Variants in SPATA13 observed in about 807,000 individuals in gnomAD.
The protein encoded by SPATA13 is spermatogenesis-associated protein 13.
SPATA13 carries 50 observed loss-of-function variants against 104.0 expected under a neutral mutation model. That is an observed-to-expected ratio of 0.48 (90% CI 0.38 to 0.61). The LOEUF (loss-of-function observed/expected upper bound fraction) is 0.61, where lower values mean the gene tolerates loss of function less well. Among genes scored for constraint, SPATA13 ranks in the 20% least tolerant of loss-of-function variants. The pLI, the probability that SPATA13 is intolerant of heterozygous loss-of-function variation, is 0.00. For synonymous variants in SPATA13, 606 were observed against 667.5 expected (o/e 0.91, Z 1.42); for missense variants, 1,524 against 1,690.6 (o/e 0.90, Z 1.73).
intron 3 of SPATA13, among the ~76,000 whole-genome samples, chr13:24,087,821 C>G (rs1350208740): frequency 6.6e-6 from 1 of 152,182 alleles, no homozygotes; most frequent in African/African-American, 2.4e-5. Flanking sequence ...CTCCCCAGAG[C>G]TGCTGGACAC....
chr13:24,014,401 C>T (rs912212299), intron 2 of SPATA13, among the ~76,000 whole-genome samples: 1 of 152,152 alleles, frequency 6.6e-6, no homozygotes, highest in Non-Finnish European at 1.5e-5. Context: ...CTGCATGTAA[C>T]CTTTGACTCC....
intron 7 of SPATA13, among the ~76,000 whole-genome samples, chr13:24,287,793 G>T (rs769019298): frequency 3.3e-5 from 5 of 152,218 alleles, no homozygotes; most frequent in African/African-American, 4.8e-5. Context: ...GCACCTGAAA[G>T]GTTTTGTCTT....
At chr13:23,994,110 A>G (rs1875561148) in intron 2 of SPATA13, among the ~76,000 whole-genome samples, 2 of 151,918 alleles carry the variant, frequency 1.3e-5, no homozygotes, top group South Asian at 2.1e-4. Flanking sequence ...TCATTCTTAC[A>G]GTTTTGGGGT....
chr13:24,057,086 T>G (rs1171346139), intron 3 of SPATA13, among the ~76,000 whole-genome samples: 1 of 151,284 alleles, frequency 6.6e-6, no homozygotes, highest in Non-Finnish European at 1.5e-5. Flanking sequence ...TTAAAAAATT[T>G]TATTATTATT....
intron 3 of SPATA13, among the ~76,000 whole-genome samples, chr13:24,099,291 CA>C (rs2137799979): frequency 6.6e-6 from 1 of 152,076 alleles, no homozygotes; most frequent in East Asian, 1.9e-4. Context: ...AATAAATGGA[CA>C]AAAAAGATGG....
At chr13:24,158,873 G>A (rs375187255), upstream of SPATA13, among the ~76,000 whole-genome samples, 25 of 152,264 alleles carry the variant, frequency 1.6e-4, no homozygotes, top group East Asian at 4.2e-3. Context: ...AGGATGCGGG[G>A]GTCTTCAGGT....
chr13:24,188,271 GCAGTGAGTCGAGAT>G (rs1319145087), intron 1 of SPATA13, among the ~76,000 whole-genome samples: 1 of 151,958 alleles, frequency 6.6e-6, no homozygotes, highest in Non-Finnish European at 1.5e-5. Flanking sequence ...AACCTGGGAG[GCAGTGAGTCGAGAT>G]CATGTCACTG....
chr13:24,133,104 C>A (rs565910601), intron 3 of SPATA13, among the ~76,000 whole-genome samples: 27 of 152,292 alleles, frequency 1.8e-4, no homozygotes, highest in Non-Finnish European at 3.4e-4. Context: ...GTATTTCCAG[C>A]GGGCAGGTGG....
At chr13:24,108,397 G>A (rs1013554253) in intron 3 of SPATA13, among the ~76,000 whole-genome samples, 1 of 152,176 alleles carries the variant, frequency 6.6e-6, no homozygotes, top group Non-Finnish European at 1.5e-5. Context: ...AGTGGGACGT[G>A]TGCCTGTTTA....
chr13:24,202,900 G>C (rs1401174601), intron 1 of SPATA13, among the ~76,000 whole-genome samples: 1 of 151,988 alleles, frequency 6.6e-6, no homozygotes, highest in African/African-American at 2.4e-5. Context: ...TGGAGAAGTC[G>C]ACAAGCAAAC....
intron 4 of SPATA13, among the ~76,000 whole-genome samples, chr13:24,283,020 C>T (rs1875661607): frequency 6.6e-6 from 1 of 152,206 alleles, no homozygotes; most frequent in South Asian, 2.1e-4. Flanking sequence ...TGAGACCCTT[C>T]TGTGTGCCCC....
chr13:24,178,897 C>G (rs759560095), intron 1 of SPATA13, among the ~76,000 whole-genome samples: 1 of 152,220 alleles, frequency 6.6e-6, no homozygotes, highest in African/African-American at 2.4e-5. Context: ...TTTTCATCCC[C>G]TCCGAAAGGA....
chr13:24,099,934 C>G (rs1880202327), intron 3 of SPATA13, among the ~76,000 whole-genome samples: 1 of 152,192 alleles, frequency 6.6e-6, no homozygotes, highest in South Asian at 2.1e-4. Flanking sequence ...CGCCATTTCT[C>G]TAAAAGCAGG....
Position 24,205,044 on chromosome 13 carries a change from C to T in SPATA13, c.-111-17775C>T, listed in dbSNP as rs1488903314. On this transcript the variant is annotated intron_variant, in intron 1 of 12. Coordinates refer to ENST00000382108, the MANE Select transcript of SPATA13 (RefSeq NM_001166271.3). The surrounding 1 kb of genome is among the most constrained non-coding windows in gnomAD (Gnocchi z 4.1). ...AAAACCGACACAAGACAAGAATGGC[C>T]TCTCTCTCACCATTCCTATTCAACA... Among the ~76,000 whole-genome samples, 1 of 152,168 alleles carries T rather than the reference C, an allele frequency of 6.6e-6. No individual in the cohort carries two copies. Among genetic ancestry groups the T allele is most frequent in the East Asian group, 1.9e-4 (1 of 5,194 alleles).
intron 1 of SPATA13, among the ~76,000 whole-genome samples, chr13:24,194,057 TG>T (rs1566143953): frequency 6.6e-6 from 1 of 152,220 alleles, no homozygotes; most frequent in Non-Finnish European, 1.5e-5. Context: ...TTTGCATCCA[TG>T]GTTCAGTAGC....
At chr13:24,163,693 A>G (rs1161516687) in intron 1 of SPATA13, among the ~76,000 whole-genome samples, 1 of 152,246 alleles carries the variant, frequency 6.6e-6, no homozygotes, top group East Asian at 1.9e-4. Context: ...TATTCTACAG[A>G]TGAGGAAACC....
At chr13:24,145,586 T>G (rs1002723214) in intron 3 of SPATA13, among the ~76,000 whole-genome samples, 1 of 152,166 alleles carries the variant, frequency 6.6e-6, no homozygotes, top group African/African-American at 2.4e-5. Context: ...ATAACAGCAT[T>G]TGTGTAGCTA....
intron 4 of SPATA13, among the ~76,000 whole-genome samples, chr13:24,258,396 G>A (rs1448678666): frequency 6.7e-6 from 1 of 149,490 alleles, no homozygotes; most frequent in Non-Finnish European, 1.5e-5. Context: ...GCCAGGCACG[G>A]TGGCTCATGT....
At chr13:24,108,636 T>C (rs1051031252) in intron 3 of SPATA13, among the ~76,000 whole-genome samples, 1 of 135,294 alleles carries the variant, frequency 7.4e-6, no homozygotes, top group Non-Finnish European at 1.6e-5. Context: ...AGCCTGGGAG[T>C]AAATGCCGGC....
Sources: gnomAD v4.1 joint callset for allele counts (sites outside exome capture counted in the v4.1 genomes callset) on GRCh38, gnomAD v4.1.1 for gene constraint, Gnocchi (gnomAD v3.1) non-coding constraint, MANE v1.5 for transcripts, NCBI Gene and HGNC (gene_info 2026-07-23, HGNC 2026-07-21) for gene names.